The following TPO variants were observed in gnomAD, a reference collection of about 807,000 sequenced individuals.
TPO encodes the protein thyroid microsomal antigen.
TPO carries 78 observed loss-of-function variants against 96.9 expected under a neutral mutation model. The observed-to-expected ratio is 0.81, with a 90% CI of 0.67 to 0.97. TPO has a LOEUF of 0.97. TPO is among the 50% of genes least tolerant of loss of function. The pLI, the probability that TPO is intolerant of heterozygous loss-of-function variation, is 0.00. For missense variants in TPO, 1,252 were observed against 1,274.8 expected (o/e 0.98, Z 0.27); for synonymous variants, 547 against 538.0 (o/e 1.02, Z -0.23).
intron 11 of TPO, among the ~76,000 whole-genome samples, chr2:1,495,781 T>TGGTCCCG (rs1448089832): frequency 1.3e-5 from 2 of 151,320 alleles, no homozygotes; most frequent in Non-Finnish European, 2.9e-5. Flanking sequence ...TGCACCTGAG[T>TGGTCCCG]GGTCCCGGGT....
At chr2:1,379,073 G>A (rs965094141) in intron 1 of TPO, among the ~76,000 whole-genome samples, 1 of 152,158 alleles carries the variant, frequency 6.6e-6, no homozygotes, top group African/African-American at 2.4e-5. Context: ...GGGAGGCTGA[G>A]GCAGGTGGAT....
chr2:1,428,218 G>A (rs1190370136), intron 3 of TPO, among the ~76,000 whole-genome samples: 2 of 152,182 alleles, frequency 1.3e-5, no homozygotes, highest in Admixed American at 6.5e-5. Context: ...GCAGCCCTGG[G>A]CTGGGCTGCA....
chr2:1,480,291 C>T (rs1310524228), intron 8 of TPO, among the ~76,000 whole-genome samples: 1 of 151,634 alleles, frequency 6.6e-6, no homozygotes, highest in African/African-American at 2.4e-5. Context: ...GTGCTTTTTG[C>T]AAAAACCTTT....
Position 1,477,619 on chromosome 2 carries a change from C to A in TPO, c.1338+15C>A. The A allele has an allele frequency of 6.7e-7, 1 of 1,483,844 alleles. No homozygotes were observed. The highest frequency in any genetic ancestry group is 1.4e-5 in the African/African-American group (1 of 69,146). The allele number at this position is 1,483,844 out of a possible 1,614,324, so 91.9% of individuals were successfully genotyped here. On this transcript the variant is annotated intron_variant, in intron 8 of 16. Coordinates refer to ENST00000329066, the MANE Select transcript of TPO (RefSeq NM_001206744.2). The stretch of plus-strand genomic sequence containing the variant: ...CTCTGCACCAGGTGCGCGGGGTGGT[C>A]CTGGGCGCCCTGGGTGGCTGCGGGC...
At chr2:1,529,363 C>T (rs1677457740) in intron 15 of TPO, among the ~76,000 whole-genome samples, 1 of 119,940 alleles carries the variant, frequency 8.3e-6, no homozygotes, top group Non-Finnish European at 1.7e-5. Context: ...CCCAAATCCC[C>T]CCACTATGTG....
intron 8 of TPO, among the ~76,000 whole-genome samples, chr2:1,480,871 G>A (rs949673312): frequency 1.5e-5 from 1 of 64,866 alleles, no homozygotes; most frequent in African/African-American, 4.7e-5. Flanking sequence ...ATTTGTCAGG[G>A]CCCAACCACA....
intron 2 of TPO, among the ~76,000 whole-genome samples, chr2:1,417,151 G>A (rs1285479013): frequency 1.3e-5 from 2 of 152,268 alleles, no homozygotes; most frequent in Non-Finnish European, 2.9e-5. Context: ...TAAGTACTCA[G>A]CGAAAAGTAT....
intron 8 of TPO, among the ~76,000 whole-genome samples, chr2:1,480,548 C>A (rs1670449011): frequency 9.5e-6 from 1 of 105,160 alleles, no homozygotes; most frequent in South Asian, 3.3e-4. Flanking sequence ...TCTATCACCC[C>A]TCAAACCCCC....
chr2:1,419,253 T>A (rs968626334), intron 2 of TPO, among the ~76,000 whole-genome samples: 10 of 152,034 alleles, frequency 6.6e-5, no homozygotes, highest in Admixed American at 3.3e-4. Flanking sequence ...TAGAACTCAG[T>A]GTTCAGTTCT....
chr2:1,525,679 CT>C (rs1333123454), intron 15 of TPO, among the ~76,000 whole-genome samples: 2 of 34 alleles, frequency 0.059, no homozygotes, highest in African/African-American at 0.1. Context: ...TATGTGCAAC[CT>C]CCCCCAAATC....
intron 10 of TPO, 30 bp from the exon 11 acceptor site, chr2:1,493,772 G>C (rs1190995526): frequency 6.2e-7 from 1 of 1,612,880 alleles, no homozygotes; most frequent in Admixed American, 1.7e-5. Flanking sequence ...AGTTCTGTGA[G>C]AGAAACCCTG....
rs1446137625 is a variant in TPO at position 1,477,569 on chromosome 2, C to T, written c.1303C>T (p.Gln435Ter). The change falls in exon 8 of 17, where the codon CAG becomes TAG. Residue 435 changes from glutamine to a stop codon, truncating the protein, a stop_gained. Coordinates refer to ENST00000329066, the MANE Select transcript of TPO (RefSeq NM_001206744.2). LOFTEE classifies it high-confidence loss of function. ...GCACTGGAGCGCGGACGCCGTGTAC[C>T]AGGAGGCGCGCAAGGTCGTGGGCGC... ...NAHWSADAVY[Q>*]EARKVVGALH... is the part of the protein sequence containing the mutation. 3.3e-6 allele frequency: 5 copies of T among 1,537,360 alleles called. No individual in the cohort carries two copies. The South Asian group carries it at 4.8e-5, about 15-fold the overall frequency.
chr2:1,436,112 A>G, intron 4 of TPO, 140 bp from the exon 5 acceptor site: 1 of 1,311,152 alleles, frequency 7.6e-7, no homozygotes, highest in African/African-American at 1.5e-5. Context: ...GAGAAGGCAG[A>G]TTTTCTCAAA....
At chr2:1,493,389 T>C (rs2124918980) in intron 10 of TPO, among the ~76,000 whole-genome samples, 1 of 152,198 alleles carries the variant, frequency 6.6e-6, no homozygotes, top group East Asian at 1.9e-4. Context: ...CCAGCTCCTT[T>C]ATGAACAAAC....
chr2:1,425,840 C>T lies in TPO; in HGVS notation c.179+2711C>T, dbSNP rs1310256524. Among the ~76,000 whole-genome samples, 48 of 151,934 alleles carry T rather than the reference C, an allele frequency of 3.2e-4. 1 individual carries two copies. The highest frequency in any genetic ancestry group is 1.0e-3 in the South Asian group (5 of 4,790). ...TTCTGTAAAGTCATTGTTCTAGATG[C>T]CAGGATACAGAGATGAGTTCGATCA... On this transcript the variant is annotated intron_variant, in intron 3 of 16. Transcript: ENST00000329066.
At position 1,493,940 on chromosome 2, in the gene TPO, T is replaced by C; in HGVS notation, c.1907T>C (p.Leu636Pro). ...CATCCTGACAACATCGATGTCTGGC[T>C]GGGAGGCTTAGCTGAAAACTTCCTC... ...YKHPDNIDVWLGGLAENFLPR... is the reference protein window; with the variant it reads ...YKHPDNIDVWPGGLAENFLPR... The change falls in exon 11 of 17, where the codon CTG (leucine) becomes CCG (proline). Residue 636 changes from leucine (L) to proline (P), a missense_variant. Leu to Pro is a moderately conservative substitution (Grantham distance 98, BLOSUM62 -3). Transcript: ENST00000329066. 6.2e-7 allele frequency: 1 copy of C among 1,614,184 alleles called. No homozygotes were observed. Among genetic ancestry groups the C allele is most frequent in the Non-Finnish European group, 8.5e-7 (1 of 1,180,028 alleles).
intron 15 of TPO, among the ~76,000 whole-genome samples, chr2:1,536,258 G>C (rs567937997): frequency 2.6e-4 from 1 of 3,882 alleles, no homozygotes; most frequent in Admixed American, 5.9e-3. Context: ...CAACTGTTTG[G>C]AACCTCCTCA....
intron 7 of TPO, among the ~76,000 whole-genome samples, chr2:1,472,931 C>CT (rs1056801620): frequency 2.9e-5 from 4 of 139,038 alleles, no homozygotes; most frequent in Non-Finnish European, 6.2e-5. Context: ...CTTTATTTAT[C>CT]TTTTTTTGGC....
chr2:1,397,783 C>T (rs1450591181), intron 1 of TPO, among the ~76,000 whole-genome samples: 1 of 152,094 alleles, frequency 6.6e-6, no homozygotes, highest in Non-Finnish European at 1.5e-5. Context: ...TCTGCTTTGC[C>T]CATCAGAGGT....
Sources: allele counts gnomAD v4.1 joint callset (sites outside exome capture counted in the v4.1 genomes callset), GRCh38; gene constraint gnomAD v4.1.1; transcripts MANE v1.5; gene names NCBI Gene and HGNC (gene_info 2026-07-23, HGNC 2026-07-21).